Variants in SCMH1 observed in about 807,000 individuals in gnomAD.
SCMH1 encodes the protein Scm polycomb group protein homolog 1, also known as polycomb protein SCMH1.
Under a neutral mutation model 70.8 loss-of-function variants are expected in SCMH1, and 37 were observed. That is an observed-to-expected ratio of 0.52 (90% CI 0.40 to 0.69). The LOEUF (loss-of-function observed/expected upper bound fraction) is 0.69. Ranked by LOEUF, SCMH1 falls within the 30% of genes least tolerant of loss-of-function variation. The pLI is 0.00. For synonymous variants in SCMH1, 292 were observed against 307.4 expected, an observed-to-expected ratio of 0.95 and a Z score of 0.52; for missense variants, 607 against 827.3, an observed-to-expected ratio of 0.73 and a Z score of 3.27.
At chr1:41,043,487 A>G (rs1379600288) in intron 12 of SCMH1, 3 of 151,312 alleles carry the variant, frequency 2.0e-5, no homozygotes, top group Admixed American at 6.6e-5. Flanking sequence ...CAGTGGCGCA[A>G]TCGCTGCTCA....
chr1:41,061,125 G>T (rs1196684454), intron 10 of SCMH1, among the ~76,000 whole-genome samples: 1 of 152,150 alleles, frequency 6.6e-6, no homozygotes, highest in South Asian at 2.1e-4. Flanking sequence ...TCATTCCTGG[G>T]CTTGGGACAA....
At chr1:41,231,816 T>A (rs910442812) in intron 1 of SCMH1, among the ~76,000 whole-genome samples, 45 of 151,408 alleles carry the variant, frequency 3.0e-4, no homozygotes, top group Admixed American at 1.3e-4. Context: ...AGGTCAGGAG[T>A]TCGAGAACAG....
intron 8 of SCMH1, among the ~76,000 whole-genome samples, chr1:41,087,491 T>G (rs1294053495): frequency 6.7e-6 from 1 of 150,004 alleles, no homozygotes; most frequent in Admixed American, 6.7e-5. Flanking sequence ...CACGGGTAAA[T>G]GAGCAAAAGA....
At chr1:41,086,569 C>A (rs750396586) in intron 8 of SCMH1, among the ~76,000 whole-genome samples, 4 of 151,954 alleles carry the variant, frequency 2.6e-5, no homozygotes, top group Non-Finnish European at 4.4e-5. Flanking sequence ...CCCTGCCCTG[C>A]CCCTGGAGCT....
At chr1:41,051,844 A>T (rs983052386) in intron 10 of SCMH1, among the ~76,000 whole-genome samples, 8 of 152,188 alleles carry the variant, frequency 5.3e-5, no homozygotes, top group Non-Finnish European at 7.3e-5. Context: ...ATTAAAAAAA[A>T]ATTTAGTGTA....
intron 8 of SCMH1, among the ~76,000 whole-genome samples, chr1:41,088,972 G>A (rs1662540022): frequency 6.6e-6 from 1 of 152,144 alleles, no homozygotes; most frequent in Non-Finnish European, 1.5e-5. Flanking sequence ...TAGTCCTTAG[G>A]TAAGTGGTTC....
intron 6 of SCMH1, among the ~76,000 whole-genome samples, chr1:41,119,093 T>C (rs1458614292): frequency 1.3e-5 from 2 of 152,184 alleles, no homozygotes; most frequent in African/African-American, 4.8e-5. Flanking sequence ...AAAGACAGGA[T>C]TAAAATTCAG....
intron 1 of SCMH1, among the ~76,000 whole-genome samples, chr1:41,237,147 G>A (rs757622319): frequency 2.6e-4 from 39 of 152,194 alleles, no homozygotes; most frequent in Middle Eastern, 3.4e-3. Context: ...GGGGTTGTGC[G>A]GTTAATTTTT....
chr1:41,143,341 A>T (rs1341844734), intron 5 of SCMH1, among the ~76,000 whole-genome samples: 1 of 152,112 alleles, frequency 6.6e-6, no homozygotes, highest in African/African-American at 2.4e-5. Flanking sequence ...AAGGACAAGA[A>T]TGTCTTATAT....
chr1:41,143,216 A>G (rs1362055504), intron 5 of SCMH1, 104 bp from the exon 6 acceptor site: 2 of 740,048 alleles, frequency 2.7e-6, no homozygotes, highest in Admixed American at 2.6e-5. Flanking sequence ...CAACCAACTG[A>G]ATTATTCCCT....
intron 1 of SCMH1, among the ~76,000 whole-genome samples, chr1:41,223,651 G>GT (rs1294492656): frequency 6.6e-6 from 1 of 151,984 alleles, no homozygotes; most frequent in Non-Finnish European, 1.5e-5. Context: ...TCGTTGCTCA[G>GT]TAAGTACTGA....
chr1:41,184,685 T>C (rs1324030338), intron 2 of SCMH1, among the ~76,000 whole-genome samples: 1 of 152,092 alleles, frequency 6.6e-6, no homozygotes, highest in East Asian at 1.9e-4. Flanking sequence ...ATGAGAATTG[T>C]CCTGTGGAGG....
chr1:41,028,188 C>T (rs537895182), exon 15 of SCMH1: 13 of 1,614,142 alleles, frequency 8.1e-6, no homozygotes, highest in Middle Eastern at 1.6e-4. Context: ...GGCTGCCTCT[C>T]CTGGTTCAGA....
chr1:41,139,869 G>A (rs1643888724), intron 6 of SCMH1, among the ~76,000 whole-genome samples: 1 of 151,956 alleles, frequency 6.6e-6, no homozygotes, highest in Non-Finnish European at 1.5e-5. Flanking sequence ...ATATATTTCA[G>A]AATTATATAT....
At chr1:41,147,436 C>A (rs1357904937) in intron 5 of SCMH1, among the ~76,000 whole-genome samples, 8 of 152,028 alleles carry the variant, frequency 5.3e-5, no homozygotes, top group African/African-American at 1.9e-4. Context: ...CCTTCTATTT[C>A]TAGTTTGGTG....
At chr1:41,200,009 G>A (rs1415306279) in intron 1 of SCMH1, among the ~76,000 whole-genome samples, 1 of 152,198 alleles carries the variant, frequency 6.6e-6, no homozygotes, top group Non-Finnish European at 1.5e-5. Flanking sequence ...CAGTGTGTAT[G>A]TACAGAGGCT....
intron 8 of SCMH1, among the ~76,000 whole-genome samples, chr1:41,085,051 C>T (rs2148975250): frequency 6.6e-6 from 1 of 151,468 alleles, no homozygotes; most frequent in South Asian, 2.1e-4. Flanking sequence ...GGGTGCAGCA[C>T]ACCAGCATGG....
intron 4 of SCMH1, chr1:41,159,593 A>G: frequency 9.7e-7 from 1 of 1,030,722 alleles, no homozygotes; most frequent in Non-Finnish European, 1.3e-6. Context: ...AGGAATTTGA[A>G]CCTTGGTTCA....
At chr1:41,185,334 C>T (rs2148631251) in intron 2 of SCMH1, among the ~76,000 whole-genome samples, 1 of 152,262 alleles carries the variant, frequency 6.6e-6, no homozygotes, top group East Asian at 1.9e-4. Context: ...TACAGGCTCA[C>T]ACCACCACGA....
Sources: allele counts gnomAD v4.1 joint callset (sites outside exome capture counted in the v4.1 genomes callset), GRCh38; gene constraint gnomAD v4.1.1; transcripts MANE v1.5; gene names NCBI Gene and HGNC (gene_info 2026-07-23, HGNC 2026-07-21).